Variants in TACC3 observed in about 807,000 individuals in gnomAD.
TACC3 encodes the protein transforming acidic coiled-coil containing protein 3.
A neutral mutation model predicts 86.0 loss-of-function variants in TACC3; 52 were observed. That is an observed-to-expected ratio of 0.60 (90% CI 0.48 to 0.76). The LOEUF (loss-of-function observed/expected upper bound fraction) is 0.76, where lower values mean the gene tolerates loss of function less well. Among genes scored for constraint, TACC3 ranks in the 30% least tolerant of loss-of-function variants. The pLI, the probability that TACC3 is intolerant of heterozygous loss-of-function variation, is 0.00. For missense variants in TACC3, 1,120 were observed against 1,070.4 expected (o/e 1.05, Z -0.65); for synonymous variants, 512 against 430.0 (o/e 1.19, Z -2.36).
At chr4:1,721,731 C>A (rs906968551) in intron 1 of TACC3, 88 bp downstream of exon 1, 4 of 152,176 alleles carry the variant, frequency 2.6e-5, no homozygotes, top group Middle Eastern at 3.4e-3. Context: ...CCCTCGCCCT[C>A]CCGCCCCGGC....
rs542100018 is a variant in TACC3, at chr4:1,723,463, A to G, written c.42A>G (p.Glu14=). The G allele has an allele frequency of 3.7e-6, 6 of 1,613,596 alleles. No individual in the cohort carries two copies. The South Asian group carries it at 5.5e-5, about 15-fold the overall frequency. ...QVLNDKNVSN[E]KNTENCDFLF... is the part of the protein sequence containing the mutation. ...TAAACGACAAAAATGTCAGCAATGAAAAAAATACAGAAAATTGCGACTTCC... is the reference window on the plus strand; with the variant it reads ...TAAACGACAAAAATGTCAGCAATGAGAAAAATACAGAAAATTGCGACTTCC... The change falls in exon 2 of 16, where the codon GAA becomes GAG. Residue 14 remains glutamate, a synonymous_variant. Coordinates refer to ENST00000313288, the MANE Select transcript of TACC3 (RefSeq NM_006342.3).
chr4:1,734,354 AT>A (rs1718151096), intron 6 of TACC3, among the ~76,000 whole-genome samples: 1 of 151,826 alleles, frequency 6.6e-6, no homozygotes. Flanking sequence ...TGCCCAACTA[AT>A]TTTTGCATTT....
intron 13 of TACC3, among the ~76,000 whole-genome samples, chr4:1,744,230 C>T (rs932684312): frequency 6.6e-6 from 1 of 152,206 alleles, no homozygotes; most frequent in Non-Finnish European, 1.5e-5. Flanking sequence ...TTTCCAGCAG[C>T]ACTTGGTGCC....
chr4:1,733,580 G>A (rs994877159), intron 6 of TACC3, among the ~76,000 whole-genome samples: 1 of 152,070 alleles, frequency 6.6e-6, no homozygotes, highest in East Asian at 1.9e-4. Flanking sequence ...GCTCGCTTGA[G>A]CCAGGAGGTC....
At chr4:1,723,367 G>T in intron 1 of TACC3, 54 bp from the exon 2 acceptor site, 1 of 1,577,866 alleles carries the variant, frequency 6.3e-7, no homozygotes, top group African/African-American at 1.3e-5. Flanking sequence ...TCTGTGTCTG[G>T]ACAATGTGGT....
At chr4:1,726,591 TA>T (rs1717701172) in intron 3 of TACC3, among the ~76,000 whole-genome samples, 1 of 152,218 alleles carries the variant, frequency 6.6e-6, no homozygotes, top group South Asian at 2.1e-4. Flanking sequence ...TCAGGTCCCT[TA>T]ATGTTAGAAT....
chr4:1,731,711 A>T (rs555144987), intron 6 of TACC3, among the ~76,000 whole-genome samples: 1 of 152,208 alleles, frequency 6.6e-6, no homozygotes, highest in South Asian at 2.1e-4. Flanking sequence ...TCTGGGTTCA[A>T]TGCAACCTCC....
chr4:1,743,172 G>T (rs1180482427), intron 13 of TACC3, among the ~76,000 whole-genome samples: 1 of 149,068 alleles, frequency 6.7e-6, no homozygotes, highest in Non-Finnish European at 1.5e-5. Context: ...TGAGGCAGGA[G>T]AATCAATCAG....
intron 1 of TACC3, among the ~76,000 whole-genome samples, chr4:1,722,554 G>C (rs1717458480): frequency 6.6e-6 from 1 of 152,102 alleles, no homozygotes; most frequent in Admixed American, 6.6e-5. Context: ...CGACCTGCCG[G>C]GGCTGCCCCC....
At chr4:1,744,362 T>G in intron 13 of TACC3, 156 bp from the exon 14 acceptor site, 1 of 660,066 alleles carries the variant, frequency 1.5e-6, no homozygotes, top group Non-Finnish European at 2.6e-6. Context: ...GCTGGGAACT[T>G]GTGTGAAGGG....
Position 1,728,408 on chromosome 4 carries a change from G to A in TACC3, c.1006G>A (p.Val336Ile), listed in dbSNP as rs984138903. Reference sequence around the variant, plus strand: ...GGCCAGCTCCTCGAGGAGCGGACCTGTAAAACTAGAATTTGATGTATCTGA... The same window carrying A: ...GGCCAGCTCCTCGAGGAGCGGACCTATAAAACTAGAATTTGATGTATCTGA... ...QMASSSRSGP[V>I]KLEFDVSDGA... The change falls in exon 4 of 16, where the codon GTA (valine) becomes ATA (isoleucine). Residue 336 changes from valine (V) to isoleucine (I), a missense_variant. Transcript: ENST00000313288. The A allele has an allele frequency of 3.7e-6, 6 of 1,613,282 alleles. No individual in the cohort carries two copies. In the African/African-American group the frequency reaches 4.0e-5, roughly 11 times the overall value.
chr4:1,723,711 T>C lies in TACC3; in HGVS notation c.163-17T>C. 3.7e-6 allele frequency: 6 copies of C among 1,613,620 alleles called. No homozygotes were observed. The highest frequency in any genetic ancestry group is 5.1e-6 in the Non-Finnish European group (6 of 1,180,004). On this transcript the variant is annotated splice_polypyrimidine_tract_variant and intron_variant, in intron 2 of 15. Coordinates refer to ENST00000313288, the MANE Select transcript of TACC3 (RefSeq NM_006342.3). ...TTGAACTAATGAATAGGTGCTCTCC[T>C]CCTCACTCCGCAACAGGTGACTTTT...
intron 4 of TACC3, among the ~76,000 whole-genome samples, chr4:1,729,986 G>A (rs1228517161): frequency 2.6e-5 from 4 of 152,222 alleles, no homozygotes; most frequent in Admixed American, 1.3e-4. Context: ...CTTTCTCACC[G>A]TGTGCCTTCA....
chr4:1,725,338 G>A (rs986830033), intron 3 of TACC3, among the ~76,000 whole-genome samples: 1 of 152,190 alleles, frequency 6.6e-6, no homozygotes, highest in Non-Finnish European at 1.5e-5. Context: ...AGTAAGTGCA[G>A]GCAGCATTTC....
chr4:1,730,224 T>A (rs918582271), intron 4 of TACC3, among the ~76,000 whole-genome samples: 2 of 152,160 alleles, frequency 1.3e-5, no homozygotes, highest in African/African-American at 4.8e-5. Context: ...TATTTTTTAG[T>A]AGAGACGGGG....
In TACC3 at chr4:1,737,616, G is replaced by C. The variant is rs1030335163; in HGVS notation, c.1855G>C (p.Gly619Arg). 1.4e-5 allele frequency: 21 copies of C among 1,522,652 alleles called. No individual in the cohort carries two copies. The highest frequency in any genetic ancestry group is 7.4e-5 in the East Asian group (3 of 40,634). 94.3% of individuals were successfully genotyped at this position (1,522,652 alleles called of 1,614,324 possible). ...LDIPVPGPPP[G>R]VPAPGGPPLS... ...CCCGCAGGTGCCAGGCCCACCCCCA[G>C]GTGTTCCCGCGCCTGGGGGCCCACC... The change falls in exon 10 of 16, where the codon GGT becomes CGT. Residue 619 changes from glycine (G) to arginine (R), a missense_variant. Gly to Arg is a moderately radical substitution (Grantham distance 125). Coordinates refer to ENST00000313288, the MANE Select transcript of TACC3 (RefSeq NM_006342.3).
At position 1,723,901 on chromosome 4, in the gene TACC3, GCTTCACCCTCT is replaced by G. The variant is rs112607903; in HGVS notation, c.305+34_305+44del. ...TGTTGGTGCTGCTGGACATGCTGGAGCTTCACCCTCTCTGTCCGATGGTTCTTGCAGGAAAG... is the reference window on the plus strand; with the variant it reads ...TGTTGGTGCTGCTGGACATGCTGGAGCTGTCCGATGGTTCTTGCAGGAAAG... On this transcript the variant is annotated intron_variant, in intron 3 of 15. Transcript: ENST00000313288. 2.0e-5 allele frequency: 33 copies of G among 1,610,010 alleles called. 1 individual carries two copies. The highest frequency in any genetic ancestry group is 1.6e-4 in the African/African-American group (12 of 75,018).
At chr4:1,729,242 C>A (rs1396933651) in intron 4 of TACC3, among the ~76,000 whole-genome samples, 2 of 152,126 alleles carry the variant, frequency 1.3e-5, no homozygotes, top group African/African-American at 4.8e-5. Flanking sequence ...CCTAGAGTTG[C>A]TCAGTGGGAG....
chr4:1,727,670 T>A (rs1197650117), intron 3 of TACC3, 38 bp from the exon 4 acceptor site: 1 of 1,541,782 alleles, frequency 6.5e-7, no homozygotes, highest in Non-Finnish European at 8.7e-7. Flanking sequence ...CCTCACCAGG[T>A]ACTCGCTGCT....
Sources: allele counts gnomAD v4.1 joint callset (sites outside exome capture counted in the v4.1 genomes callset), GRCh38; gene constraint gnomAD v4.1.1; transcripts MANE v1.5; gene names NCBI Gene and HGNC (gene_info 2026-07-23, HGNC 2026-07-21).